PSMD8: variants seen among roughly 807,000 people sequenced by gnomAD.
PSMD8 encodes the protein 26S proteasome non-ATPase regulatory subunit 8.
PSMD8 carries 30 observed loss-of-function variants against 40.0 expected under a neutral mutation model. The ratio of observed to expected loss-of-function variants is 0.75; its 90% CI spans 0.56 to 1.02. The LOEUF is 1.02. Among genes scored for constraint, PSMD8 ranks in the 50% least tolerant of loss-of-function variants. PSMD8 has a pLI of 0.00. For synonymous variants in PSMD8, 208 were observed against 192.5 expected (o/e 1.08, Z -0.67); for missense variants, 461 against 463.9 (o/e 0.99, Z 0.06).
chr19:38,377,260 C>T (rs1970605540), intron 3 of PSMD8, among the ~76,000 whole-genome samples: 1 of 151,860 alleles, frequency 6.6e-6, no homozygotes, highest in South Asian at 2.1e-4. Context: ...GCAGTCATGG[C>T]TCACCACAGC....
chr19:38,380,707 A>AGAGAGAGTGC (rs1555743507), intron 4 of PSMD8, among the ~76,000 whole-genome samples, 192 bp from the exon 5 acceptor site: 2 of 120,884 alleles, frequency 1.7e-5, no homozygotes, highest in Admixed American at 8.4e-5. Context: ...AGAGAGAGAG[A>AGAGAGAGTGC]GTGTGTGTGT....
At chr19:38,376,268 TG>T in intron 2 of PSMD8, 36 bp downstream of exon 2, 1 of 1,557,472 alleles carries the variant, frequency 6.4e-7, no homozygotes, top group Non-Finnish European at 8.7e-7. Flanking sequence ...GGTGATAATC[TG>T]GGGGTCATGG....
At chr19:38,380,309 G>A (rs1351980392) in intron 4 of PSMD8, among the ~76,000 whole-genome samples, 1 of 152,236 alleles carries the variant, frequency 6.6e-6, no homozygotes, top group African/African-American at 2.4e-5. Context: ...ACTGAACCCT[G>A]TGGACAGCCG....
chr19:38,383,356 T>C lies in PSMD8; in HGVS notation c.1019T>C (p.Ile340Thr). The C allele has an allele frequency of 6.2e-7, 1 of 1,613,804 alleles. No individual in the cohort carries two copies. Among genetic ancestry groups the C allele is most frequent in the Non-Finnish European group, 8.5e-7 (1 of 1,179,864 alleles). The change falls in exon 7 of 7, where the codon ATC (isoleucine) becomes ACC (threonine). Residue 340 changes from isoleucine to threonine, a missense_variant. This residue lies in a region of PSMD8 where 236 missense variants were observed against 321.2 expected (regional missense o/e 0.73). Coordinates refer to ENST00000215071, the MANE Select transcript of PSMD8 (RefSeq NM_002812.5). The part of the protein sequence containing the change: ...IPSTELAKQV[I>T]EYARQLEMIV Reference sequence around the variant, plus strand: ...TCCACAGAACTGGCCAAACAGGTCATCGAGTATGCCCGGCAGCTGGAGATG... The same window carrying C: ...TCCACAGAACTGGCCAAACAGGTCACCGAGTATGCCCGGCAGCTGGAGATG...
intron 5 of PSMD8, among the ~76,000 whole-genome samples, chr19:38,381,774 AGT>A (rs1196580418): frequency 1.3e-5 from 2 of 152,100 alleles, no homozygotes; most frequent in African/African-American, 4.8e-5. Context: ...GGATCTATGA[AGT>A]GGGGTGCAGC....
At position 38,383,439 on chromosome 19, in the gene PSMD8, A is replaced by G. The variant is rs1970660980; in HGVS notation, c.*49A>G. The stretch of plus-strand genomic sequence containing the variant: ...AGGGCACGAGTTATTTAAAACAGTT[A>G]CACTGCAGGGTTTCGCCCAATAAAG... On this transcript the variant is annotated 3_prime_UTR_variant, in exon 7 of 7. Coordinates refer to ENST00000215071, the MANE Select transcript of PSMD8 (RefSeq NM_002812.5). The G allele has an allele frequency of 6.2e-7, 1 of 1,610,166 alleles. No individual in the cohort carries two copies. Among genetic ancestry groups the G allele is most frequent in the African/African-American group, 1.3e-5 (1 of 74,946 alleles).
intron 3 of PSMD8, among the ~76,000 whole-genome samples, chr19:38,378,016 T>C (rs1481305772): frequency 6.6e-6 from 1 of 152,214 alleles, no homozygotes; most frequent in Non-Finnish European, 1.5e-5. Context: ...CTTACCTGGG[T>C]TGAATCATTT....
chr19:38,381,138 C>T, intron 5 of PSMD8, 139 bp downstream of exon 5: 1 of 651,626 alleles, frequency 1.5e-6, no homozygotes, highest in Non-Finnish European at 2.6e-6. Flanking sequence ...CACCTCAGCT[C>T]TCCTTTTCAG....
At chr19:38,379,616 T>G (rs966107918) in intron 4 of PSMD8, among the ~76,000 whole-genome samples, 2 of 152,202 alleles carry the variant, frequency 1.3e-5, no homozygotes, top group African/African-American at 4.8e-5. Flanking sequence ...CAGGTGAAAT[T>G]CATGATCTTG....
chr19:38,379,484 A>C, intron 4 of PSMD8, 79 bp downstream of exon 4: 1 of 1,487,616 alleles, frequency 6.7e-7, no homozygotes, highest in Non-Finnish European at 9.2e-7. Context: ...TTCCTGAAGG[A>C]GTGGCCAGGG....
intron 4 of PSMD8, among the ~76,000 whole-genome samples, chr19:38,379,627 T>C (rs1046407691): frequency 1.3e-5 from 2 of 152,046 alleles, no homozygotes; most frequent in South Asian, 4.1e-4. Flanking sequence ...CATGATCTTG[T>C]GGTGATGACA....
At chr19:38,377,565 C>T (rs1437462316) in intron 3 of PSMD8, among the ~76,000 whole-genome samples, 5 of 151,680 alleles carry the variant, frequency 3.3e-5, no homozygotes, top group African/African-American at 4.9e-5. Context: ...GGTGCAATCT[C>T]GGCTCACCAC....
rs974516397 is a variant in PSMD8 at position 38,383,638 on chromosome 19, C to G, written c.*248C>G. 9 of 543,304 alleles carry G rather than the reference C, an allele frequency of 1.7e-5. No homozygotes were observed. The Admixed American group carries it at 2.5e-4, about 15-fold the overall frequency. 33.7% of individuals were successfully genotyped at this position (543,304 alleles called of 1,614,324 possible). On this transcript the variant is annotated 3_prime_UTR_variant, in exon 7 of 7. Coordinates refer to ENST00000215071, the MANE Select transcript of PSMD8 (RefSeq NM_002812.5). ...TGCTCAGGGTCTCAAACATGGACGCCCACTGTGGGGCCCCAGCAGCACTGT... is the reference window on the plus strand; with the variant it reads ...TGCTCAGGGTCTCAAACATGGACGCGCACTGTGGGGCCCCAGCAGCACTGT...
Position 38,374,954 on chromosome 19 carries a change from G to A in PSMD8, c.353G>A (p.Arg118Gln), listed in dbSNP as rs892338932. The A allele has an allele frequency of 1.3e-6, 2 of 1,562,958 alleles. No homozygotes were observed. Among genetic ancestry groups the A allele is most frequent in the African/African-American group, 1.4e-5 (1 of 73,890 alleles). Residue 118 changes from arginine to glutamine, a missense_variant, in exon 1 of 7, where the codon CGA becomes CAA. Physicochemically the swap from Arg to Gln is conservative, Grantham distance 43. This residue lies in a region of PSMD8 where 236 missense variants were observed against 321.2 expected (regional missense o/e 0.73). Transcript: ENST00000215071. ...NLSKCGEELG[R>Q]LKLVLLELNF... is the part of the protein sequence containing the mutation. ...AGCAAGTGCGGGGAAGAGCTGGGTCGACTCAAGGTAAAGTCGGCAGGCCCA... is the reference window on the plus strand; with the variant it reads ...AGCAAGTGCGGGGAAGAGCTGGGTCAACTCAAGGTAAAGTCGGCAGGCCCA...
Position 38,376,361 on chromosome 19 carries a change from T to C in PSMD8, c.443T>C (p.Leu148Pro). 6.4e-7 allele frequency: 1 copy of C among 1,552,284 alleles called. No individual in the cohort carries two copies. Among genetic ancestry groups the C allele is most frequent in the Non-Finnish European group, 8.7e-7 (1 of 1,147,138 alleles). ...KQQLILARDI[L>P]EIGAQWSILR... ...ACTCTGTCACCCACAGGTGACATAC[T>C]GGAGATCGGGGCCCAATGGAGCATC... is the stretch of plus-strand genomic sequence containing the variant. Residue 148 changes from leucine to proline, a missense_variant, in exon 3 of 7, where the codon CTG (leucine) becomes CCG (proline). Leu to Pro is a moderately conservative substitution (Grantham distance 98, BLOSUM62 -3). Transcript: ENST00000215071.
At position 38,374,919 on chromosome 19, in the gene PSMD8, C is replaced by T. The variant is rs1320591893; in HGVS notation, c.318C>T (p.Ser106=). Residue 106 remains serine (S), a synonymous_variant, in exon 1 of 7, where the codon AGC becomes AGT. Coordinates refer to ENST00000215071, the MANE Select transcript of PSMD8 (RefSeq NM_002812.5). ...TCAAGGGCGAGTGGAACCGTAAAAGCCCCAATCTTAGCAAGTGCGGGGAAG... is the reference window on the plus strand; with the variant it reads ...TCAAGGGCGAGTGGAACCGTAAAAGTCCCAATCTTAGCAAGTGCGGGGAAG... The part of the protein sequence containing the change: ...EQLKGEWNRK[S]PNLSKCGEEL... The T allele has an allele frequency of 1.3e-6, 2 of 1,583,542 alleles. No individual in the cohort carries two copies. The highest frequency in any genetic ancestry group is 1.7e-5 in the Admixed American group (1 of 57,890).
intron 5 of PSMD8, chr19:38,381,212 CAT>C (rs1269699697): frequency 2.0e-5 from 10 of 498,386 alleles, no homozygotes; most frequent in Non-Finnish European, 3.2e-5. Flanking sequence ...TGGCTGTTGA[CAT>C]GTGTGGCCAC....
intron 3 of PSMD8, among the ~76,000 whole-genome samples, chr19:38,376,972 C>G (rs1289295219): frequency 2.6e-5 from 4 of 152,200 alleles, no homozygotes; most frequent in Non-Finnish European, 5.9e-5. Flanking sequence ...ACTGCTATGT[C>G]CCTAGCACTG....
At chr19:38,376,720 C>T (rs1479797145) in intron 3 of PSMD8, among the ~76,000 whole-genome samples, 5 of 152,208 alleles carry the variant, frequency 3.3e-5, no homozygotes, top group African/African-American at 7.2e-5. Context: ...CCAGCCTTGC[C>T]CCTCTGACTC....
Sources: allele counts gnomAD v4.1 joint callset (sites outside exome capture counted in the v4.1 genomes callset), GRCh38; gene constraint gnomAD v4.1.1; regional missense constraint gnomAD v4.1.1; transcripts MANE v1.5; gene names NCBI Gene and HGNC (gene_info 2026-07-23, HGNC 2026-07-21).